Variants in FOXP2 observed in about 807,000 individuals in gnomAD.
FOXP2 encodes the protein forkhead box P2.
In FOXP2, 12 loss-of-function variants were observed where a neutral mutation model predicts 115.8. That is an observed-to-expected ratio of 0.10 (90% CI 0.07 to 0.17). The LOEUF is 0.17. Ranked by LOEUF, FOXP2 falls within the 10% of genes least tolerant of loss-of-function variation. The probability of loss-of-function intolerance (pLI) is 1.00; values close to 1 mark genes in which losing one functional copy is unlikely to be tolerated. For missense variants in FOXP2, 629 were observed against 843.5 expected (o/e 0.75, Z 3.15); for synonymous variants, 328 against 297.7 (o/e 1.10, Z -1.05).
chr7:114,507,106 T>C (rs1337668978), intron 2 of FOXP2, among the ~76,000 whole-genome samples: 1 of 151,822 alleles, frequency 6.6e-6, no homozygotes, highest in Non-Finnish European at 1.5e-5. Flanking sequence ...ACACTATCAG[T>C]TGGTGTCCTG....
chr7:114,113,472 C>A (rs535646866), intron 1 of FOXP2, among the ~76,000 whole-genome samples: 1 of 152,150 alleles, frequency 6.6e-6, no homozygotes, highest in East Asian at 1.9e-4. Flanking sequence ...GCCTTGAACT[C>A]CTGTGCTCAG....
At chr7:114,279,642 T>G (rs1796278540) in intron 1 of FOXP2, among the ~76,000 whole-genome samples, 1 of 152,124 alleles carries the variant, frequency 6.6e-6, no homozygotes, top group African/African-American at 2.4e-5. Context: ...TTGATCACTT[T>G]GTTATTTTGC....
chr7:114,403,123 T>C (rs534562718), intron 2 of FOXP2, among the ~76,000 whole-genome samples: 1 of 152,304 alleles, frequency 6.6e-6, no homozygotes, highest in East Asian at 1.9e-4. Flanking sequence ...GTATATTATG[T>C]AACAGCCCCT....
chr7:114,668,273 GA>G (rs1474730532), intron 16 of FOXP2: 2 of 152,088 alleles, frequency 1.3e-5, no homozygotes, highest in African/African-American at 4.8e-5. Flanking sequence ...TTAGAAGAGT[GA>G]AATAGATATG....
intron 2 of FOXP2, among the ~76,000 whole-genome samples, chr7:114,359,743 A>T (rs1346325271): frequency 1.3e-5 from 2 of 152,114 alleles, no homozygotes; most frequent in African/African-American, 4.8e-5. Flanking sequence ...GTTTTGACCA[A>T]TTTCTCCCAT....
chr7:114,315,298 C>T (rs1368266657), intron 2 of FOXP2, among the ~76,000 whole-genome samples: 1 of 152,044 alleles, frequency 6.6e-6, no homozygotes, highest in African/African-American at 2.4e-5. Context: ...TCACAAGTAC[C>T]CATATTATAG....
intron 1 of FOXP2, among the ~76,000 whole-genome samples, chr7:114,171,856 T>C (rs1793150735): frequency 6.6e-6 from 1 of 152,156 alleles, no homozygotes; most frequent in African/African-American, 2.4e-5. Flanking sequence ...GTTCATGAAA[T>C]GTGGTCAAAA....
chr7:114,250,835 C>A (rs879759033), intron 1 of FOXP2, among the ~76,000 whole-genome samples: 2 of 152,112 alleles, frequency 1.3e-5, no homozygotes, highest in African/African-American at 4.8e-5. Flanking sequence ...GCTTTTGTTG[C>A]CATTGCTTTT....
At chr7:114,599,224 A>G (rs1281608900) in intron 3 of FOXP2, among the ~76,000 whole-genome samples, 1 of 152,074 alleles carries the variant, frequency 6.6e-6, no homozygotes, top group Non-Finnish European at 1.5e-5. Context: ...TAGCTACTCT[A>G]TCAGATTAAG....
At chr7:114,176,251 TC>T (rs1793294509) in intron 1 of FOXP2, among the ~76,000 whole-genome samples, 57 of 150,640 alleles carry the variant, frequency 3.8e-4, no homozygotes, top group African/African-American at 1.3e-3. Flanking sequence ...TTTCTTTCTC[TC>T]TCTCTCTTTC....
chr7:114,518,405 C>A (rs1012727543), intron 2 of FOXP2, among the ~76,000 whole-genome samples: 4 of 151,884 alleles, frequency 2.6e-5, no homozygotes, highest in Non-Finnish European at 5.9e-5. Context: ...TTACCAGAAA[C>A]AATGCTTGAC....
Position 114,273,977 on chromosome 7 carries a change from GTTGTCC to G in FOXP2, c.-101-14037_-101-14032del, listed in dbSNP as rs373397650. ...CCATATTTATTACAGTTTTCTATTT[GTTGTCC>G]TTGTTCTTTGTTCCTATTTTTCTTC... On this transcript the variant is annotated intron_variant, in intron 1 of 17. Coordinates refer to the FOXP2 transcript ENST00000634411. 1.4e-3 allele frequency among the ~76,000 whole-genome samples: 211 copies of G among 151,780 alleles called. 1 individual carries two copies. The highest frequency in any genetic ancestry group is 4.7e-3 in the African/African-American group (196 of 41,458).
chr7:114,328,387 C>T (rs1269488388), intron 2 of FOXP2, among the ~76,000 whole-genome samples: 1 of 151,946 alleles, frequency 6.6e-6, no homozygotes, highest in Non-Finnish European at 1.5e-5. Context: ...CAGGTGCCCG[C>T]CACCACGCCC....
At chr7:114,677,624 A>C (rs1380116653) in intron 16 of FOXP2, among the ~76,000 whole-genome samples, 2 of 152,210 alleles carry the variant, frequency 1.3e-5, no homozygotes, top group African/African-American at 2.4e-5. Flanking sequence ...CATTAACATT[A>C]CTTCTGCCGT....
chr7:114,351,152 A>G (rs192442536), intron 2 of FOXP2, among the ~76,000 whole-genome samples: 6 of 152,306 alleles, frequency 3.9e-5, no homozygotes, highest in Admixed American at 2.0e-4. Flanking sequence ...TAGAAGGCCA[A>G]CTGTATGGTG....
In FOXP2 at chr7:114,382,655, A is replaced by C. The variant is rs6944673; in HGVS notation, c.-10-43847A>C. ...CTCCTCCTGATCTCTATTATAAAAA[A>C]CCGAAGTTGCCAAGTTCAATAGGGT... On this transcript the variant is annotated intron_variant, in intron 2 of 17. Transcript: ENST00000634411. 6.9e-3 allele frequency among the ~76,000 whole-genome samples: 1,052 copies of C among 152,086 alleles called. 12 individuals carry two copies. The highest frequency in any genetic ancestry group is 0.024 in the African/African-American group (998 of 41,466).
chr7:114,609,132 G>C (rs1457993285), intron 3 of FOXP2, among the ~76,000 whole-genome samples: 1 of 151,628 alleles, frequency 6.6e-6, no homozygotes, highest in Non-Finnish European at 1.5e-5. Context: ...AGAATCGCTT[G>C]AACCCAGGAG....
At chr7:114,290,582 A>T (rs536165851) in intron 2 of FOXP2, among the ~76,000 whole-genome samples, 1 of 152,082 alleles carries the variant, frequency 6.6e-6, no homozygotes, top group African/African-American at 2.4e-5. Context: ...AAGTAAATGG[A>T]CTATGTAGGA....
chr7:114,379,829 G>A (rs1792237969), intron 2 of FOXP2, among the ~76,000 whole-genome samples: 1 of 152,026 alleles, frequency 6.6e-6, no homozygotes. Context: ...CCATCTGATG[G>A]GTGCTATCAA....
Sources: gnomAD v4.1 joint callset for allele counts (sites outside exome capture counted in the v4.1 genomes callset) on GRCh38, gnomAD v4.1.1 for gene constraint, MANE v1.5 for transcripts, NCBI Gene and HGNC (gene_info 2026-07-23, HGNC 2026-07-21) for gene names.